SMARCB1: variants seen among roughly 807,000 people sequenced by gnomAD.
The protein encoded by SMARCB1 is SWI/SNF related BAF chromatin remodeling complex subunit B1, also known as SWI/SNF-related matrix-associated actin-dependent regulator of chromatin subfamily B member 1.
SMARCB1 carries 5 observed loss-of-function variants against 49.0 expected under a neutral mutation model. That is an observed-to-expected ratio of 0.10 (90% CI 0.05 to 0.21). SMARCB1 has a LOEUF of 0.21. SMARCB1 is among the 10% of genes least tolerant of loss of function. The pLI is 1.00. For missense variants in SMARCB1, 226 were observed against 509.2 expected (o/e 0.44, Z 5.35); for synonymous variants, 201 against 200.1 (o/e 1.00, Z -0.04).
At position 23,837,230 on chromosome 22, in the gene SMARCB1, C is replaced by G. The variant is rs2031137115; in HGVS notation, c.*3050C>G. 1 of 1,544,894 alleles carries G rather than the reference C, an allele frequency of 6.5e-7. No individual in the cohort carries two copies. The highest frequency in any genetic ancestry group is 8.8e-7 in the Non-Finnish European group (1 of 1,136,978). On this transcript the variant is annotated 3_prime_UTR_variant, in exon 9 of 9. Coordinates refer to ENST00000644036, the MANE Select transcript of SMARCB1 (RefSeq NM_003073.5). ...AGACCAGCAGAGCCTGCCCCAGGCC[C>G]CCATCCACAGCCTGGTGGCCCTGCA...
intron 3 of SMARCB1, 71 bp from the exon 4 acceptor site, chr22:23,800,873 A>G: frequency 2.6e-6 from 3 of 1,153,908 alleles, no homozygotes; most frequent in Non-Finnish European, 4.0e-6. Flanking sequence ...TCCCTGGAGC[A>G]TTAGTTGATT....
chr22:23,834,202 C>T lies in SMARCB1; in HGVS notation c.*22C>T. On this transcript the variant is annotated 3_prime_UTR_variant, in exon 9 of 9. Coordinates refer to ENST00000644036, the MANE Select transcript of SMARCB1 (RefSeq NM_003073.5). ...GTAACCAGCCCATCAGCACACGGCT[C>T]CCACGGAGCATCTCAGAAGATTGGG... The T allele has an allele frequency of 6.3e-7, 1 of 1,577,028 alleles. No homozygotes were observed. Among genetic ancestry groups the T allele is most frequent in the Non-Finnish European group, 8.6e-7 (1 of 1,161,236 alleles).
chr22:23,794,847 G>C (rs2145967049), intron 3 of SMARCB1, among the ~76,000 whole-genome samples: 1 of 152,250 alleles, frequency 6.6e-6, no homozygotes, highest in African/African-American at 2.4e-5. Context: ...GCAGTGAGCT[G>C]AGGTTGCACC....
chr22:23,788,674 G>A (rs1314929404), intron 1 of SMARCB1, among the ~76,000 whole-genome samples: 2 of 152,024 alleles, frequency 1.3e-5, no homozygotes, highest in Non-Finnish European at 2.9e-5. Flanking sequence ...TCAAAGTGCT[G>A]GAATGACAGG....
intron 3 of SMARCB1, among the ~76,000 whole-genome samples, chr22:23,796,867 G>T (rs999460551): frequency 1.3e-5 from 2 of 152,114 alleles, no homozygotes; most frequent in African/African-American, 4.8e-5. Flanking sequence ...GCTTTGGCTG[G>T]CTCCACACTA....
At chr22:23,810,378 A>G (rs545502320) in intron 5 of SMARCB1, among the ~76,000 whole-genome samples, 1 of 150,808 alleles carries the variant, frequency 6.6e-6, no homozygotes, top group East Asian at 2.0e-4. Context: ...TACAAAAACA[A>G]TTAGCCAGGC....
intron 2 of SMARCB1, chr22:23,792,515 A>C (rs1418035547): frequency 5.2e-6 from 1 of 191,368 alleles, no homozygotes; most frequent in Non-Finnish European, 1.1e-5. Flanking sequence ...CCATGGAGAC[A>C]TTTGGGTGTG....
chr22:23,806,916 T>G (rs1929529215), intron 5 of SMARCB1, among the ~76,000 whole-genome samples: 1 of 108,542 alleles, frequency 9.2e-6, no homozygotes, highest in African/African-American at 4.3e-5. Context: ...TGAGACTCTA[T>G]CTCAAAAAAA....
chr22:23,809,872 G>A lies in SMARCB1; in HGVS notation c.628+6450G>A, dbSNP rs181662811. On this transcript the variant is annotated intron_variant, in intron 5 of 8. Transcript: ENST00000644036. ...GACATTCTTAGTCAAGACATTCTTAGATGAAAGAAAACTAAGTGCTGGGCG... is the reference window on the plus strand; with the variant it reads ...GACATTCTTAGTCAAGACATTCTTAAATGAAAGAAAACTAAGTGCTGGGCG... Among the ~76,000 whole-genome samples the A allele has an allele frequency of 1.5e-3, 231 of 152,008 alleles. 1 individual carries two copies. The highest frequency in any genetic ancestry group is 8.3e-3 in the South Asian group (40 of 4,798).
chr22:23,825,139 C>A, intron 6 of SMARCB1, 86 bp from the exon 7 acceptor site: 1 of 1,130,934 alleles, frequency 8.8e-7, no homozygotes, highest in Middle Eastern at 2.1e-4. Context: ...TGGGCAGGGC[C>A]CACCCCAGGC....
At position 23,836,707 on chromosome 22, in the gene SMARCB1, G is replaced by A. The variant is rs1196911388; in HGVS notation, c.*2527G>A. ...AGAAGGATGTGGCCAGGTGAGATGG[G>A]GAAGCCAGTGCTGTGGGCCAAGAGA... On this transcript the variant is annotated 3_prime_UTR_variant, in exon 9 of 9. Coordinates refer to ENST00000644036, the MANE Select transcript of SMARCB1 (RefSeq NM_003073.5). 23 of 1,330,966 alleles carry A rather than the reference G, an allele frequency of 1.7e-5. No individual in the cohort carries two copies. Among genetic ancestry groups the A allele is most frequent in the Non-Finnish European group, 2.2e-5 (23 of 1,047,598 alleles). The allele number at this position is 1,330,966 out of a possible 1,614,324, so 82.4% of individuals were successfully genotyped here. A position where few individuals can be genotyped will look rare whatever the true frequency, so the allele number is the denominator to read the frequency against.
At chr22:23,818,580 C>G (rs1044468500) in intron 6 of SMARCB1, 1 of 152,130 alleles carries the variant, frequency 6.6e-6, no homozygotes, top group Non-Finnish European at 1.5e-5. Context: ...GTGTAATTAT[C>G]ACCACCATCC....
chr22:23,811,691 A>T (rs1929878147), intron 5 of SMARCB1, among the ~76,000 whole-genome samples: 1 of 152,232 alleles, frequency 6.6e-6, no homozygotes, highest in Non-Finnish European at 1.5e-5. Context: ...GATAAAGCTA[A>T]ACAGTGCAAT....
At chr22:23,830,647 A>ATTT (rs2030605923) in intron 7 of SMARCB1, among the ~76,000 whole-genome samples, 1 of 85,952 alleles carries the variant, frequency 1.2e-5, no homozygotes, top group African/African-American at 5.0e-5. Flanking sequence ...AGTCCAATTT[A>ATTT]TCTTTTTTTT....
At chr22:23,831,369 C>T (rs963190407) in intron 7 of SMARCB1, among the ~76,000 whole-genome samples, 1 of 152,244 alleles carries the variant, frequency 6.6e-6, no homozygotes, top group African/African-American at 2.4e-5. Context: ...TGAGCATCCC[C>T]TGCCTGGGTA....
chr22:23,834,198 G>T lies in SMARCB1; in HGVS notation c.*18G>T, dbSNP rs377133288. The T allele has an allele frequency of 1.9e-6, 3 of 1,579,118 alleles. No homozygotes were observed. The highest frequency in any genetic ancestry group is 2.6e-6 in the Non-Finnish European group (3 of 1,162,492). Reference sequence around the variant, plus strand: ...CCTGGTAACCAGCCCATCAGCACACGGCTCCCACGGAGCATCTCAGAAGAT... The same window carrying T: ...CCTGGTAACCAGCCCATCAGCACACTGCTCCCACGGAGCATCTCAGAAGAT... On this transcript the variant is annotated 3_prime_UTR_variant, in exon 9 of 9. Transcript: ENST00000644036.
At chr22:23,795,677 AAAAT>A (rs1253224503) in intron 3 of SMARCB1, among the ~76,000 whole-genome samples, 3 of 137,284 alleles carry the variant, frequency 2.2e-5, no homozygotes, top group African/African-American at 3.4e-5. Flanking sequence ...AATAAAATAA[AAAAT>A]AAATAAATAA....
rs2146042249 is a variant in SMARCB1 at position 23,833,635 on chromosome 22, C to T, written c.1050C>T (p.Cys350=). 1 of 1,614,152 alleles carries T rather than the reference C, an allele frequency of 6.2e-7. No individual in the cohort carries two copies. Among genetic ancestry groups the T allele is most frequent in the Admixed American group, 1.7e-5 (1 of 60,030 alleles). ...IRNTGDADQW[C]PLLETLTDAE... is the part of the protein sequence containing the mutation. The stretch of plus-strand genomic sequence containing the variant: ...ACACGGGCGATGCGGACCAGTGGTG[C>T]CCACTGCTGGAGACTCTGACAGACG... Residue 350 remains cysteine, a synonymous_variant, in exon 8 of 9, where the codon TGC becomes TGT. Coordinates refer to ENST00000644036, the MANE Select transcript of SMARCB1 (RefSeq NM_003073.5).
At chr22:23,824,837 G>A (rs2030291200) in intron 6 of SMARCB1, 1 of 332,574 alleles carries the variant, frequency 3.0e-6, no homozygotes, top group Non-Finnish European at 5.8e-6. Context: ...CAGGGCTTAG[G>A]GATGCCTTAG....
Sources: gnomAD v4.1 joint callset for allele counts (sites outside exome capture counted in the v4.1 genomes callset) on GRCh38, gnomAD v4.1.1 for gene constraint, MANE v1.5 for transcripts, NCBI Gene and HGNC (gene_info 2026-07-23, HGNC 2026-07-21) for gene names.